RIMS1: variants seen among roughly 807,000 people sequenced by gnomAD.
RIMS1 encodes the protein regulating synaptic membrane exocytosis protein 1.
A neutral mutation model predicts 214.1 loss-of-function variants in RIMS1; 83 were observed. The ratio of observed to expected loss-of-function variants is 0.39; its 90% CI spans 0.32 to 0.47. The LOEUF (loss-of-function observed/expected upper bound fraction) is 0.47, where lower values mean the gene tolerates loss of function less well. Ranked by LOEUF, RIMS1 falls within the 20% of genes least tolerant of loss-of-function variation. RIMS1 has a pLI of 0.99. For missense variants in RIMS1, 2,050 were observed against 2,161.8 expected (o/e 0.95, Z 1.03); for synonymous variants, 793 against 786.8 (o/e 1.01, Z -0.13).
At chr6:72,004,163 T>A (rs1250222900) in intron 2 of RIMS1, among the ~76,000 whole-genome samples, 12 of 151,970 alleles carry the variant, frequency 7.9e-5, no homozygotes, top group South Asian at 6.3e-4. Flanking sequence ...AATGATGATT[T>A]CCCATTTCAT....
At chr6:72,391,998 C>A (rs1564825019) in intron 30 of RIMS1, among the ~76,000 whole-genome samples, 1 of 152,116 alleles carries the variant, frequency 6.6e-6, no homozygotes, top group Non-Finnish European at 1.5e-5. Flanking sequence ...TGTGAAAGCA[C>A]AATGGAAAGA....
At chr6:72,214,011 TA>T (rs1399805219) in intron 6 of RIMS1, among the ~76,000 whole-genome samples, 1 of 152,198 alleles carries the variant, frequency 6.6e-6, no homozygotes, top group East Asian at 1.9e-4. Flanking sequence ...TTTTGGAATT[TA>T]AAAAATGAAA....
At chr6:71,990,266 G>T (rs1254966823) in intron 2 of RIMS1, among the ~76,000 whole-genome samples, 1 of 152,058 alleles carries the variant, frequency 6.6e-6, no homozygotes, top group Non-Finnish European at 1.5e-5. Flanking sequence ...CTATCCTTTG[G>T]AATGAAACAC....
chr6:71,977,095 G>T (rs1341996959), intron 2 of RIMS1, among the ~76,000 whole-genome samples: 2 of 152,050 alleles, frequency 1.3e-5, no homozygotes, highest in African/African-American at 2.4e-5. Flanking sequence ...CAAAAGAATG[G>T]ATAATCCACT....
At chr6:72,107,810 A>G (rs1273110464) in intron 4 of RIMS1, among the ~76,000 whole-genome samples, 2 of 152,180 alleles carry the variant, frequency 1.3e-5, no homozygotes, top group African/African-American at 4.8e-5. Flanking sequence ...GACATATTAT[A>G]TGTGTATTAA....
At chr6:72,201,351 A>G (rs1751457990) in intron 6 of RIMS1, among the ~76,000 whole-genome samples, 2 of 152,262 alleles carry the variant, frequency 1.3e-5, no homozygotes, top group Admixed American at 6.5e-5. Context: ...AAGTTCATTT[A>G]GAAAAAGATT....
intron 27 of RIMS1, among the ~76,000 whole-genome samples, chr6:72,309,955 T>G (rs2095427959): frequency 6.6e-6 from 1 of 152,068 alleles, no homozygotes; most frequent in Non-Finnish European, 1.5e-5. Flanking sequence ...ACTTGAGAAA[T>G]TATCTTTTTC....
At chr6:72,116,282 C>T (rs2037054278) in intron 4 of RIMS1, among the ~76,000 whole-genome samples, 1 of 151,864 alleles carries the variant, frequency 6.6e-6, no homozygotes, top group Admixed American at 6.6e-5. Context: ...AGGTTGGTAA[C>T]AAGAGTCATC....
intron 2 of RIMS1, among the ~76,000 whole-genome samples, chr6:72,089,396 G>A (rs975829063): frequency 6.6e-6 from 1 of 152,106 alleles, no homozygotes; most frequent in East Asian, 1.9e-4. Flanking sequence ...CATTTGGACA[G>A]TAGGTTTCTG....
chr6:71,973,209 G>A (rs1254394318), intron 2 of RIMS1, among the ~76,000 whole-genome samples: 1 of 152,126 alleles, frequency 6.6e-6, no homozygotes, highest in African/African-American at 2.4e-5. Context: ...CGCCCGGACA[G>A]TAATATGGAT....
chr6:72,174,771 G>GA, intron 4 of RIMS1, among the ~76,000 whole-genome samples: 1 of 152,236 alleles, frequency 6.6e-6, no homozygotes, highest in South Asian at 2.1e-4. Context: ...AATTTGCATA[G>GA]AAAATTGTAT....
intron 4 of RIMS1, among the ~76,000 whole-genome samples, chr6:72,152,698 G>T (rs1419335452): frequency 7.6e-6 from 1 of 132,282 alleles, no homozygotes; most frequent in African/African-American, 3.0e-5. Context: ...GATACATTTG[G>T]AATATATGTA....
intron 9 of RIMS1, among the ~76,000 whole-genome samples, chr6:72,240,759 A>G (rs2154108818): frequency 6.6e-6 from 1 of 151,292 alleles, no homozygotes; most frequent in Non-Finnish European, 1.5e-5. Flanking sequence ...CTGTAATCCC[A>G]GCACTTTGGG....
At chr6:72,382,350 G>C (rs2098504864) in intron 29 of RIMS1, among the ~76,000 whole-genome samples, 1 of 152,114 alleles carries the variant, frequency 6.6e-6, no homozygotes, top group South Asian at 2.1e-4. Context: ...GAAAATGATG[G>C]CACTATTAGG....
chr6:72,306,200 C>T (rs530557832), intron 26 of RIMS1, among the ~76,000 whole-genome samples: 1 of 152,072 alleles, frequency 6.6e-6, no homozygotes, highest in South Asian at 2.1e-4. Flanking sequence ...GGCAGAAGTT[C>T]CCACTACATC....
intron 6 of RIMS1, among the ~76,000 whole-genome samples, chr6:72,232,267 A>C (rs1238676181): frequency 2.0e-5 from 3 of 151,710 alleles, no homozygotes; most frequent in African/African-American, 4.8e-5. Flanking sequence ...TACAAATTGC[A>C]ATAATTACCT....
intron 31 of RIMS1, among the ~76,000 whole-genome samples, chr6:72,396,340 TTTTAA>T (rs2098776572): frequency 6.6e-6 from 1 of 152,198 alleles, no homozygotes; most frequent in African/African-American, 2.4e-5. Flanking sequence ...TGTTTAAATC[TTTTAA>T]TATAAGTAGC....
At chr6:72,339,366 T>C (rs62407515) in intron 29 of RIMS1, among the ~76,000 whole-genome samples, 28,796 of 151,818 alleles carry the variant, frequency 0.19, 3,449 homozygotes, top group South Asian at 0.26. Flanking sequence ...ATGTGCCATG[T>C]TGGTGTGCTG....
chr6:72,386,068 C>A (rs779217365), intron 29 of RIMS1, among the ~76,000 whole-genome samples: 4 of 151,988 alleles, frequency 2.6e-5, no homozygotes, highest in Non-Finnish European at 5.9e-5. Flanking sequence ...AATAACTAGC[C>A]CCTCAAATGA....
Sources: gnomAD v4.1 joint callset for allele counts (sites outside exome capture counted in the v4.1 genomes callset) on GRCh38, gnomAD v4.1.1 for gene constraint, MANE v1.5 for transcripts, NCBI Gene and HGNC (gene_info 2026-07-23, HGNC 2026-07-21) for gene names.